Variants in DNAAF9 observed in about 807,000 individuals in gnomAD.
The protein encoded by DNAAF9 is dynein axonemal assembly factor 9, also known as shulin.
A neutral mutation model predicts 167.0 loss-of-function variants in DNAAF9; 90 were observed. The observed-to-expected ratio is 0.54, with a 90% CI of 0.45 to 0.64. The LOEUF (loss-of-function observed/expected upper bound fraction) is 0.64, where lower values mean the gene tolerates loss of function less well. Ranked by LOEUF, DNAAF9 falls within the 30% of genes least tolerant of loss-of-function variation. DNAAF9 has a pLI of 0.00. For synonymous variants in DNAAF9, 491 were observed against 508.8 expected, an observed-to-expected ratio of 0.96 and a Z score of 0.47; for missense variants, 1,315 against 1,442.2, an observed-to-expected ratio of 0.91 and a Z score of 1.43.
rs2068182576 is a variant in DNAAF9, at chr20:3,250,696, GCAGCAGCCAGACTGC to G, written c.*1861_*1875del. 1 of 152,190 alleles carries G rather than the reference GCAGCAGCCAGACTGC, an allele frequency of 6.6e-6. No individual in the cohort carries two copies. Among genetic ancestry groups the G allele is most frequent in the Non-Finnish European group, 1.5e-5 (1 of 68,044 alleles). The allele number at this position is 152,190 out of a possible 1,614,324, so 9.4% of individuals were successfully genotyped here. On this transcript the variant is annotated 3_prime_UTR_variant, in exon 37 of 37. Coordinates refer to ENST00000252032, the MANE Select transcript of DNAAF9 (RefSeq NM_001009984.3). ...CCGACCCCTCTTTAAAAACTCTTCT[GCAGCAGCCAGACTGC>G]CAGGCCAGTGCAGTCAGGAAATGGC...
chr20:3,402,809 C>G (rs2084006008), intron 1 of DNAAF9, among the ~76,000 whole-genome samples: 3 of 152,182 alleles, frequency 2.0e-5, no homozygotes, highest in Admixed American at 1.3e-4. Context: ...GTCTCAAACT[C>G]CTGGGCTCAA....
At chr20:3,298,255 G>T in intron 21 of DNAAF9, 80 bp from the exon 22 acceptor site, 1 of 1,146,742 alleles carries the variant, frequency 8.7e-7, no homozygotes. Flanking sequence ...AGAACACACA[G>T]GATCAATTTC....
At chr20:3,267,204 T>C (rs2122784852) in intron 30 of DNAAF9, among the ~76,000 whole-genome samples, 1 of 152,340 alleles carries the variant, frequency 6.6e-6, no homozygotes, top group East Asian at 1.9e-4. Context: ...CCATGTGTTA[T>C]AATTCATAGT....
Position 3,318,289 on chromosome 20 carries a change from C to G in DNAAF9, c.1468G>C (p.Asp490His). 4 of 1,395,292 alleles carry G rather than the reference C, an allele frequency of 2.9e-6. No homozygotes were observed. The highest frequency in any genetic ancestry group is 4.1e-6 in the Non-Finnish European group (4 of 983,818). 86.4% of individuals were successfully genotyped at this position (1,395,292 alleles called of 1,614,324 possible). A position where few individuals can be genotyped will look rare whatever the true frequency, so the allele number is the denominator to read the frequency against. The change falls in exon 17 of 37, where the codon GAT becomes CAT. Residue 490 changes from aspartate (D) to histidine (H), a missense_variant and splice_region_variant. Physicochemically the swap from Asp to His is moderately conservative, Grantham distance 81. Around this residue, in one of 2 missense-constraint regions of DNAAF9, gnomAD observed 981 missense variants for 1,012.5 expected, o/e 0.97. Transcript: ENST00000252032. ...LTSQILVKEK[D>H]GTVTTETSSV... ...CTTTCTAAAGATCACATATACTTAC[C>G]CTTTTCTTTAACTAAGATCTGAGAA...
intron 9 of DNAAF9, among the ~76,000 whole-genome samples, chr20:3,342,762 T>C (rs147430236): frequency 5.7e-4 from 86 of 152,206 alleles, no homozygotes; most frequent in East Asian, 2.1e-3. Flanking sequence ...TGGATTGGAA[T>C]TGGGGGAAGA....
At chr20:3,390,942 G>T (rs1246130490) in intron 1 of DNAAF9, among the ~76,000 whole-genome samples, 2 of 152,086 alleles carry the variant, frequency 1.3e-5, no homozygotes, top group Non-Finnish European at 1.5e-5. Flanking sequence ...TTACTGCCAA[G>T]GTTACCCAGA....
intron 21 of DNAAF9, among the ~76,000 whole-genome samples, chr20:3,300,607 T>C (rs1047259465): frequency 4.6e-5 from 7 of 151,030 alleles, no homozygotes; most frequent in Non-Finnish European, 7.4e-5. Flanking sequence ...CCTGCCACCA[T>C]GCCTCACTAA....
At chr20:3,348,656 G>A (rs1479532462) in intron 7 of DNAAF9, 33 bp from the exon 8 acceptor site, 2 of 1,345,400 alleles carry the variant, frequency 1.5e-6, no homozygotes, top group South Asian at 2.5e-5. Context: ...AACGTGTTTG[G>A]TCATATAAAG....
intron 27 of DNAAF9, among the ~76,000 whole-genome samples, chr20:3,282,265 A>G (rs1161912373): frequency 6.6e-6 from 1 of 151,936 alleles, no homozygotes; most frequent in Non-Finnish European, 1.5e-5. Flanking sequence ...CCAAACTCCA[A>G]ACTCCTTGTC....
chr20:3,318,247 AAAAG>A, intron 17 of DNAAF9, 38 bp downstream of exon 17: 1 of 924,404 alleles, frequency 1.1e-6, no homozygotes, highest in Non-Finnish European at 1.7e-6. Context: ...AAAAAAAAAA[AAAAG>A]GCTTAAGGTT....
intron 10 of DNAAF9, among the ~76,000 whole-genome samples, chr20:3,339,805 A>T (rs1048852009): frequency 1.3e-5 from 2 of 152,160 alleles, no homozygotes; most frequent in African/African-American, 4.8e-5. Flanking sequence ...TGGGAGGATC[A>T]CCTGAGCCTG....
At chr20:3,321,088 T>C (rs896666084) in intron 16 of DNAAF9, among the ~76,000 whole-genome samples, 1 of 152,166 alleles carries the variant, frequency 6.6e-6, no homozygotes, top group African/African-American at 2.4e-5. Context: ...GACCATTATC[T>C]CAGTGCATCT....
intron 12 of DNAAF9, among the ~76,000 whole-genome samples, chr20:3,328,837 CACACACACGTAT>C (rs1365420012): frequency 6.6e-6 from 1 of 151,022 alleles, no homozygotes; most frequent in Non-Finnish European, 1.5e-5. Flanking sequence ...CATACACATA[CACACACACGTAT>C]ACACACACAC....
At chr20:3,322,021 G>A (rs1489650991) in intron 16 of DNAAF9, among the ~76,000 whole-genome samples, 196 bp downstream of exon 16, 3 of 152,176 alleles carry the variant, frequency 2.0e-5, no homozygotes, top group African/African-American at 7.2e-5. Context: ...AGATGTGGGT[G>A]GGCCTAGCAC....
chr20:3,288,173 G>C (rs974224445), intron 26 of DNAAF9, among the ~76,000 whole-genome samples: 9 of 152,178 alleles, frequency 5.9e-5, no homozygotes, highest in African/African-American at 2.2e-4. Context: ...GGGTTGGCTG[G>C]GCATTGTGGC....
intron 27 of DNAAF9, among the ~76,000 whole-genome samples, chr20:3,283,157 G>A (rs1019113859): frequency 6.6e-6 from 1 of 152,244 alleles, no homozygotes; most frequent in Non-Finnish European, 1.5e-5. Flanking sequence ...TGATTGATCC[G>A]GCCTATCACC....
In DNAAF9 at chr20:3,328,187, T is replaced by TTTTTTTTTTTGTTTGTTTTG. The variant is rs1555792489; in HGVS notation, c.1101-1904_1101-1903insCAAAACAAACAAAAAAAAAA. 3.9e-4 allele frequency among the ~76,000 whole-genome samples: 58 copies of TTTTTTTTTTTGTTTGTTTTG among 148,336 alleles called. 1 individual carries two copies. The highest frequency in any genetic ancestry group is 3.4e-3 in the East Asian group (17 of 5,056). On this transcript the variant is annotated intron_variant, in intron 12 of 36. Transcript: ENST00000252032. Reference sequence around the variant, plus strand: ...TTAAAAAGCCTGCATGGCTCTGTTTTTTTTTTTTTTTTGAGATGGAGTCTT... The same window carrying TTTTTTTTTTTGTTTGTTTTG: ...TTAAAAAGCCTGCATGGCTCTGTTTTTTTTTTTTTTGTTTGTTTTGTTTTTTTTTTTTGAGATGGAGTCTT...
intron 3 of DNAAF9, among the ~76,000 whole-genome samples, chr20:3,378,281 T>A (rs1056704863): frequency 6.6e-6 from 1 of 152,172 alleles, no homozygotes. Flanking sequence ...CTCATCTGGC[T>A]CTAAGGCAAC....
intron 29 of DNAAF9, among the ~76,000 whole-genome samples, chr20:3,274,880 C>T (rs1469992726): frequency 1.3e-5 from 2 of 152,188 alleles, no homozygotes; most frequent in Non-Finnish European, 2.9e-5. Context: ...CAGCTACACT[C>T]GTGGTTTAGA....
Sources: allele counts gnomAD v4.1 joint callset (sites outside exome capture counted in the v4.1 genomes callset), GRCh38; gene constraint gnomAD v4.1.1; regional missense constraint gnomAD v4.1.1; transcripts MANE v1.5; gene names NCBI Gene and HGNC (gene_info 2026-07-23, HGNC 2026-07-21).